The following SORCS2 variants were observed in gnomAD, a reference collection of about 807,000 sequenced individuals.
SORCS2 encodes the protein sortilin related VPS10 domain containing receptor 2.
A neutral mutation model predicts 141.6 loss-of-function variants in SORCS2; 100 were observed. The ratio of observed to expected loss-of-function variants is 0.71; its 90% CI spans 0.60 to 0.83. The LOEUF (loss-of-function observed/expected upper bound fraction) is 0.83, where lower values mean the gene tolerates loss of function less well. Among genes scored for constraint, SORCS2 ranks in the 40% least tolerant of loss-of-function variants. The probability of loss-of-function intolerance (pLI) is 0.00; values close to 1 mark genes in which losing one functional copy is unlikely to be tolerated. For synonymous variants in SORCS2, 789 were observed against 676.9 expected, an observed-to-expected ratio of 1.17 and a Z score of -2.57; for missense variants, 1,646 against 1,560.2, an observed-to-expected ratio of 1.05 and a Z score of -0.93.
chr4:7,238,702 G>A (rs748752559), intron 1 of SORCS2, among the ~76,000 whole-genome samples: 5 of 152,204 alleles, frequency 3.3e-5, no homozygotes, highest in Non-Finnish European at 7.4e-5. Context: ...TGCCCTGCGT[G>A]TGTCTGGGTT....
intron 3 of SORCS2, among the ~76,000 whole-genome samples, chr4:7,630,982 G>A (rs1183992917): frequency 6.6e-6 from 1 of 152,036 alleles, no homozygotes; most frequent in Non-Finnish European, 1.5e-5. Context: ...TTCTGCAGAG[G>A]CGAGTGTGAT....
chr4:7,555,200 A>G (rs1708099309), intron 3 of SORCS2, among the ~76,000 whole-genome samples: 2 of 152,268 alleles, frequency 1.3e-5, no homozygotes, highest in Admixed American at 1.3e-4. Flanking sequence ...GGACCATTCC[A>G]GAACCTCTGG....
chr4:7,393,474 G>C (rs1484119410), intron 1 of SORCS2, among the ~76,000 whole-genome samples: 2 of 152,248 alleles, frequency 1.3e-5, no homozygotes, highest in Admixed American at 6.5e-5. Flanking sequence ...TGAAAACACA[G>C]GCTTTCAGTG....
At chr4:7,604,125 G>A (rs919464265) in intron 3 of SORCS2, among the ~76,000 whole-genome samples, 1 of 152,114 alleles carries the variant, frequency 6.6e-6, no homozygotes, top group Non-Finnish European at 1.5e-5. Flanking sequence ...ACAAGGCAGA[G>A]ATGGGCAGGT....
intron 3 of SORCS2, among the ~76,000 whole-genome samples, chr4:7,636,227 G>A (rs1012931444): frequency 2.5e-5 from 2 of 80,506 alleles, no homozygotes; most frequent in African/African-American, 6.6e-5. Flanking sequence ...TCCAAAGGGA[G>A]ACTTCCTTTG....
In SORCS2 at chr4:7,704,282, G is replaced by A. The variant is rs1318260743; in HGVS notation, c.1866G>A (p.Met622Ile). The change falls in exon 14 of 27, where the codon ATG becomes ATA. Residue 622 changes from methionine (M) to isoleucine (I), a missense_variant and splice_region_variant. Physicochemically the swap from Met to Ile is conservative, Grantham distance 10. Transcript: ENST00000507866. Reference protein sequence around the residue: ...LSEPGDETLVMTVFGHISFRS... With the variant: ...LSEPGDETLVITVFGHISFRS... ...AGCCAGGGGACGAGACGCTGGTCATGACGTGAGTGCGGGGACCGGGGAGTG... is the reference window on the plus strand; with the variant it reads ...AGCCAGGGGACGAGACGCTGGTCATAACGTGAGTGCGGGGACCGGGGAGTG... The A allele has an allele frequency of 6.2e-7, 1 of 1,609,592 alleles. No homozygotes were observed. The highest frequency in any genetic ancestry group is 8.5e-7 in the Non-Finnish European group (1 of 1,178,252).
intron 2 of SORCS2, among the ~76,000 whole-genome samples, chr4:7,415,318 C>T (rs1378222416): frequency 6.6e-6 from 1 of 152,170 alleles, no homozygotes; most frequent in Non-Finnish European, 1.5e-5. Flanking sequence ...TCTCCCAGGG[C>T]TCTAGGAAAG....
chr4:7,493,514 C>G (rs1219503101), intron 2 of SORCS2, among the ~76,000 whole-genome samples: 2 of 152,034 alleles, frequency 1.3e-5, no homozygotes, highest in Non-Finnish European at 2.9e-5. Flanking sequence ...AGTGTTGGAT[C>G]TGTTGGTGGT....
At chr4:7,549,354 C>T (rs1713511277) in intron 3 of SORCS2, among the ~76,000 whole-genome samples, 1 of 151,942 alleles carries the variant, frequency 6.6e-6, no homozygotes, top group Admixed American at 6.6e-5. Context: ...CACCTGCTTT[C>T]CGGGGGAGAT....
At position 7,204,768 on chromosome 4, in the gene SORCS2, A is replaced by G. The variant is rs539674801; in HGVS notation, c.480+11642A>G. Among the ~76,000 whole-genome samples, 37 of 152,288 alleles carry G rather than the reference A, an allele frequency of 2.4e-4. No individual in the cohort carries two copies. In the East Asian group the frequency reaches 6.8e-3, roughly 28 times the overall value. ...TCTGAATTCTGCCACTTGTGACCCA[A>G]GGAGGGGGTATCTCTCTGAGCCCAG... On this transcript the variant is annotated intron_variant, in intron 1 of 26. Transcript: ENST00000507866.
intron 3 of SORCS2, among the ~76,000 whole-genome samples, chr4:7,551,598 C>T (rs934245623): frequency 5.3e-5 from 8 of 152,210 alleles, no homozygotes; most frequent in African/African-American, 1.9e-4. Context: ...GGAGTAGGGA[C>T]AGCTCTGAGT....
At chr4:7,532,925 C>T (rs1393514079) in intron 3 of SORCS2, among the ~76,000 whole-genome samples, 3 of 152,006 alleles carry the variant, frequency 2.0e-5, no homozygotes, top group African/African-American at 7.3e-5. Context: ...TGAGGGAGAC[C>T]TGGCCCTGGG....
chr4:7,457,318 G>A lies in SORCS2; in HGVS notation c.548+60963G>A, dbSNP rs554319979. Among the ~76,000 whole-genome samples, 105 of 152,362 alleles carry A rather than the reference G, an allele frequency of 6.9e-4. No homozygotes were observed. The Middle Eastern group carries it at 0.01, about 15-fold the overall frequency. ...CTGAAAGGACATGCAGCCAGGCCTG[G>A]AGGCAGAGGCCAGGACTGCAGGTGG... On this transcript the variant is annotated intron_variant, in intron 2 of 26. Transcript: ENST00000507866.
At chr4:7,314,140 C>G (rs1419541162) in intron 1 of SORCS2, among the ~76,000 whole-genome samples, 2 of 152,176 alleles carry the variant, frequency 1.3e-5, no homozygotes, top group Non-Finnish European at 2.9e-5. Context: ...CTCCCTGCCT[C>G]TGTGCCGTGC....
At chr4:7,407,545 C>T (rs1189329261) in intron 2 of SORCS2, among the ~76,000 whole-genome samples, 1 of 152,066 alleles carries the variant, frequency 6.6e-6, no homozygotes, top group Non-Finnish European at 1.5e-5. Context: ...CTTTTTCCAG[C>T]CCATCACTTT....
intron 1 of SORCS2, among the ~76,000 whole-genome samples, chr4:7,366,248 CCTCT>C (rs372990531): frequency 2.0e-5 from 3 of 151,562 alleles, no homozygotes; most frequent in Non-Finnish European, 4.4e-5. Context: ...TCCTTCCCTT[CCTCT>C]CTCTCTCTCA....
chr4:7,692,031 C>G (rs545566328), intron 11 of SORCS2, among the ~76,000 whole-genome samples: 35 of 152,210 alleles, frequency 2.3e-4, no homozygotes, highest in Middle Eastern at 6.8e-3. Context: ...GACTACACTT[C>G]TATTTTATCC....
chr4:7,724,199 G>T (rs1175099998), intron 19 of SORCS2, among the ~76,000 whole-genome samples: 3 of 150,264 alleles, frequency 2.0e-5, no homozygotes, highest in Non-Finnish European at 4.4e-5. Flanking sequence ...GGTGGTGGTG[G>T]TGATGGTACT....
In SORCS2 at chr4:7,667,214, G is replaced by A. The variant is rs752882763; in HGVS notation, c.1161+1G>A. 2 of 1,613,524 alleles carry A rather than the reference G, an allele frequency of 1.2e-6. No homozygotes were observed. The highest frequency in any genetic ancestry group is 1.7e-6 in the Non-Finnish European group (2 of 1,179,522). On this transcript the variant is annotated splice_donor_variant, in intron 8 of 26. Transcript: ENST00000507866. LOFTEE classifies it high-confidence loss of function. ...GCTGCCGAAGTATGCATTGCCAAAGGTAAGGTGCTCCCCATTCCGCCTGGT... is the reference window on the plus strand; with the variant it reads ...GCTGCCGAAGTATGCATTGCCAAAGATAAGGTGCTCCCCATTCCGCCTGGT...
Sources: allele counts gnomAD v4.1 joint callset (sites outside exome capture counted in the v4.1 genomes callset), GRCh38; gene constraint gnomAD v4.1.1; transcripts MANE v1.5; gene names NCBI Gene and HGNC (gene_info 2026-07-23, HGNC 2026-07-21).